Variants in FTSJ3 observed in about 807,000 individuals in gnomAD.
The protein encoded by FTSJ3 is pre-rRNA 2'-O-ribose RNA methyltransferase FTSJ3.
A neutral mutation model predicts 111.5 loss-of-function variants in FTSJ3; 46 were observed. That is an observed-to-expected ratio of 0.41 (90% CI 0.33 to 0.53). FTSJ3 has a LOEUF of 0.53. Ranked by LOEUF, FTSJ3 falls within the 20% of genes least tolerant of loss-of-function variation. FTSJ3 has a pLI of 0.19. For missense variants in FTSJ3, 1,075 were observed against 1,063.8 expected, an observed-to-expected ratio of 1.01 and a Z score of -0.15; for synonymous variants, 408 against 383.0, an observed-to-expected ratio of 1.07 and a Z score of -0.76.
Position 63,826,857 on chromosome 17 carries a change from A to G in FTSJ3, c.46T>C (p.Tyr16His). ...KVGKSRRDKF[Y>H]HLAKETGYRS... ...TCACCCGTCTCCTTCGCCAAGTGATAAAACTTGTCTCGTCGGCTCTTGCCA... is the reference window on the plus strand; with the variant it reads ...TCACCCGTCTCCTTCGCCAAGTGATGAAACTTGTCTCGTCGGCTCTTGCCA... Residue 16 changes from tyrosine (Y) to histidine (H), a missense_variant, in exon 2 of 21, where the codon TAT (tyrosine) becomes CAT (histidine). Around this residue, in one of 2 missense-constraint regions of FTSJ3, gnomAD observed 208 missense variants for 266.9 expected, o/e 0.78. Transcript: ENST00000427159. The G allele has an allele frequency of 6.2e-7, 1 of 1,614,138 alleles. No homozygotes were observed. The highest frequency in any genetic ancestry group is 8.5e-7 in the Non-Finnish European group (1 of 1,180,022).
chr17:63,819,756 C>T lies in FTSJ3; in HGVS notation c.*46G>A. ...GGGGCCAGACTGAGCCATGCCACAC[C>T]CTTCCTCCTAGTCCCCATGCTCTCC... On this transcript the variant is annotated 3_prime_UTR_variant, in exon 21 of 21. Transcript: ENST00000427159. 6.4e-7 allele frequency: 1 copy of T among 1,551,602 alleles called. No individual in the cohort carries two copies.
chr17:63,824,984 C>T (rs1289954051), intron 8 of FTSJ3, 55 bp from the exon 9 acceptor site: 1 of 1,577,566 alleles, frequency 6.3e-7, no homozygotes, highest in African/African-American at 1.4e-5. Flanking sequence ...ACCTGTAGGA[C>T]CCACCAGGCC....
At position 63,823,748 on chromosome 17, in the gene FTSJ3, AC is replaced by A. The variant is rs2040071298; in HGVS notation, c.1290+68del. ...TCGGCAACCTAAAAAGACATTCAAC[AC>A]CCCCCACCTCCAAACACCCAAACAG... On this transcript the variant is annotated intron_variant, in intron 13 of 20. Transcript: ENST00000427159. The A allele has an allele frequency of 1.3e-5, 20 of 1,541,800 alleles. 1 individual carries two copies. In the South Asian group the frequency reaches 2.3e-4, roughly 18 times the overall value.
Position 63,824,652 on chromosome 17 carries a change from C to T in FTSJ3, c.902G>A (p.Gly301Glu). Residue 301 changes from glycine (G) to glutamate (E), a missense_variant, in exon 10 of 21, where the codon GGG (glycine) becomes GAG (glutamate). Gly to Glu is a moderately conservative substitution (Grantham distance 98). Transcript: ENST00000427159. ...RVCCQDIRVL[G>E]RKELRSLLNW... Reference sequence around the variant, plus strand: ...CACTCCATACCTGAGCTCCTTGCGCCCCAACACTCTGATGTCCTGACAGCA... The same window carrying T: ...CACTCCATACCTGAGCTCCTTGCGCTCCAACACTCTGATGTCCTGACAGCA... 6.2e-7 allele frequency: 1 copy of T among 1,614,048 alleles called. No individual in the cohort carries two copies. The highest frequency in any genetic ancestry group is 1.1e-5 in the South Asian group (1 of 91,074).
intron 5 of FTSJ3, 189 bp from the exon 6 acceptor site, chr17:63,825,824 C>T (rs529283601): frequency 4.4e-5 from 28 of 629,860 alleles, no homozygotes; most frequent in Non-Finnish European, 6.6e-5. Context: ...ACTGAATTCA[C>T]AGGAGAAGAC....
In FTSJ3 at chr17:63,825,557, C is replaced by T. The variant is rs1697673400; in HGVS notation, c.379G>A (p.Val127Ile). 1.2e-6 allele frequency: 2 copies of T among 1,614,124 alleles called. No homozygotes were observed. The highest frequency in any genetic ancestry group is 1.7e-6 in the Non-Finnish European group (2 of 1,179,972). Reference protein sequence around the residue: ...DGAPNVGASWVHDAYSQAHLT... With the variant: ...DGAPNVGASWIHDAYSQAHLT... The stretch of plus-strand genomic sequence containing the variant: ...GTACCTTGTGAGTAAGCATCATGGA[C>T]CCAGCTAGCCCCAACGTTGGGGGCC... Residue 127 changes from valine to isoleucine, a missense_variant, in exon 6 of 21, where the codon GTC becomes ATC. This residue lies in a region of FTSJ3 where 208 missense variants were observed against 266.9 expected (regional missense o/e 0.78). Coordinates refer to ENST00000427159, the MANE Select transcript of FTSJ3 (RefSeq NM_017647.4).
In FTSJ3 at chr17:63,826,004, G is replaced by A. The variant is rs188789748; in HGVS notation, c.300+52C>T. 5 of 1,433,712 alleles carry A rather than the reference G, an allele frequency of 3.5e-6. No individual in the cohort carries two copies. In the Admixed American group the frequency reaches 7.7e-5, roughly 22 times the overall value. 88.8% of individuals were successfully genotyped at this position (1,433,712 alleles called of 1,614,324 possible). ...AAAACTTGCCTTTAGAGGATTTCAG[G>A]GATGTAGATGTTTCCGTATAAAGGG... On this transcript the variant is annotated intron_variant, in intron 5 of 20. Coordinates refer to ENST00000427159, the MANE Select transcript of FTSJ3 (RefSeq NM_017647.4).
Position 63,819,653 on chromosome 17 carries a change from C to T in FTSJ3, c.*149G>A. Reference sequence around the variant, plus strand: ...ACATCCTCCTCTCTGCTCAGGACCACCACGGGAGTTCTAGGCACTCCACCT... The same window carrying T: ...ACATCCTCCTCTCTGCTCAGGACCATCACGGGAGTTCTAGGCACTCCACCT... On this transcript the variant is annotated 3_prime_UTR_variant, in exon 21 of 21. Transcript: ENST00000427159. The T allele has an allele frequency of 1.4e-6, 1 of 706,380 alleles. No homozygotes were observed. The allele number at this position is 706,380 out of a possible 1,614,324, so 43.8% of individuals were successfully genotyped here. A position where few individuals can be genotyped will look rare whatever the true frequency, so the allele number is the denominator to read the frequency against.
chr17:63,821,178 CG>C, intron 16 of FTSJ3, 63 bp from the exon 17 acceptor site: 1 of 1,581,686 alleles, frequency 6.3e-7, no homozygotes, highest in South Asian at 1.1e-5. Flanking sequence ...CGCACTCCCA[CG>C]GAATTTGCAA....
rs1260880691 is a variant in FTSJ3 at position 63,827,594 on chromosome 17, G to A, written c.-569C>T. 6.5e-6 allele frequency: 10 copies of A among 1,550,350 alleles called. No individual in the cohort carries two copies. Among genetic ancestry groups the A allele is most frequent in the Non-Finnish European group, 8.7e-6 (10 of 1,146,478 alleles). ...CGTGATCTGAGTGGAGAGCGGGCCG[G>A]GGCAGGAGCGTCGGGTGGGTCGGAG... On this transcript the variant is annotated 5_prime_UTR_variant, in exon 1 of 21. Coordinates refer to ENST00000427159, the MANE Select transcript of FTSJ3 (RefSeq NM_017647.4).
At chr17:63,821,306 C>T (rs1303371152) in intron 16 of FTSJ3, 48 bp downstream of exon 16, 1 of 1,567,706 alleles carries the variant, frequency 6.4e-7, no homozygotes, top group South Asian at 1.2e-5. Context: ...AGAAATGGTT[C>T]AAGCCACCGC....
chr17:63,826,245 G>A lies in FTSJ3; in HGVS notation c.220+13C>T. On this transcript the variant is annotated intron_variant, in intron 4 of 20. Coordinates refer to ENST00000427159, the MANE Select transcript of FTSJ3 (RefSeq NM_017647.4). ...ACCCCTTAAAACACCAAGGAGAGCT[G>A]TCCGTTACTCACCCACAATAAGGCT... 1.2e-6 allele frequency: 2 copies of A among 1,613,814 alleles called. No homozygotes were observed. Among genetic ancestry groups the A allele is most frequent in the African/African-American group, 1.3e-5 (1 of 75,036 alleles).
intron 8 of FTSJ3, 59 bp downstream of exon 8, chr17:63,824,989 C>T (rs1036438083): frequency 1.7e-4 from 264 of 1,584,012 alleles, no homozygotes; most frequent in Middle Eastern, 1.5e-3. Context: ...TAGGACCCAC[C>T]AGGCCCAACC....
chr17:63,825,727 C>G, intron 5 of FTSJ3, 92 bp from the exon 6 acceptor site: 1 of 1,118,922 alleles, frequency 8.9e-7, no homozygotes, highest in Non-Finnish European at 1.3e-6. Flanking sequence ...GAGTGCCCAT[C>G]ATGGGCCAAA....
In FTSJ3 at chr17:63,824,098, C is replaced by T; in HGVS notation, c.1140G>A (p.Val380=). ...QTLAEMKAQE[V]AELKRKKKKL... Reference sequence around the variant, plus strand: ...GCTCCTTTCACCTCTTCAATTCCGCCACCTCCTGGGCCTTCATTTCTGCCA... The same window carrying T: ...GCTCCTTTCACCTCTTCAATTCCGCTACCTCCTGGGCCTTCATTTCTGCCA... Residue 380 remains valine, a synonymous_variant, in exon 12 of 21, where the codon GTG becomes GTA. Transcript: ENST00000427159. The T allele has an allele frequency of 6.2e-7, 1 of 1,614,216 alleles. No homozygotes were observed. The highest frequency in any genetic ancestry group is 1.3e-5 in the African/African-American group (1 of 75,044).
chr17:63,819,605 G>A lies in FTSJ3; in HGVS notation c.*197C>T, dbSNP rs2040026560. 3.4e-6 allele frequency: 2 copies of A among 580,830 alleles called. No individual in the cohort carries two copies. The highest frequency in any genetic ancestry group is 6.1e-6 in the Non-Finnish European group (2 of 327,946). The allele number at this position is 580,830 out of a possible 1,614,324, so 36.0% of individuals were successfully genotyped here. A position where few individuals can be genotyped will look rare whatever the true frequency, so the allele number is the denominator to read the frequency against. On this transcript the variant is annotated 3_prime_UTR_variant, in exon 21 of 21. Coordinates refer to ENST00000427159, the MANE Select transcript of FTSJ3 (RefSeq NM_017647.4). ...ACACAGTTCAGCAGTGTTTTCATGG[G>A]AGACCTTCAGGCAGGCAGGAGGACA...
intron 10 of FTSJ3, 67 bp from the exon 11 acceptor site, chr17:63,824,478 G>A (rs2040079330): frequency 1.3e-6 from 2 of 1,556,468 alleles, no homozygotes; most frequent in Admixed American, 1.7e-5. Context: ...TCTGTTTTAG[G>A]CTCACTACCC....
chr17:63,824,078 TTTC>T lies in FTSJ3; in HGVS notation c.1154+3_1154+5del. On this transcript the variant is annotated splice_donor_5th_base_variant and intron_variant, in intron 12 of 20. Transcript: ENST00000427159. Reference sequence around the variant, plus strand: ...GAACTCCAAGCTCTACCCCAGCTCCTTTCACCTCTTCAATTCCGCCACCTCCTG... The same window carrying T: ...GAACTCCAAGCTCTACCCCAGCTCCTACCTCTTCAATTCCGCCACCTCCTG... 6.2e-7 allele frequency: 1 copy of T among 1,614,120 alleles called. No homozygotes were observed. The highest frequency in any genetic ancestry group is 1.1e-5 in the South Asian group (1 of 91,082).
In FTSJ3 at chr17:63,820,958, G is replaced by A; in HGVS notation, c.1973-20C>T. The A allele has an allele frequency of 6.2e-7, 1 of 1,611,900 alleles. No homozygotes were observed. The highest frequency in any genetic ancestry group is 8.5e-7 in the Non-Finnish European group (1 of 1,177,948). On this transcript the variant is annotated intron_variant, in intron 17 of 20. Coordinates refer to ENST00000427159, the MANE Select transcript of FTSJ3 (RefSeq NM_017647.4). ...GTTTCGCTAGAGAGGGAAGGAGAAA[G>A]GTCAAAGCTCAATTCCCAATACTGA...
Sources: allele counts gnomAD v4.1 joint callset, GRCh38; gene constraint gnomAD v4.1.1; regional missense constraint gnomAD v4.1.1; transcripts MANE v1.5; gene names NCBI Gene and HGNC (gene_info 2026-07-23, HGNC 2026-07-21).